MAP3K20: variants seen among roughly 807,000 people sequenced by gnomAD.
MAP3K20 encodes HCCS-4.
MAP3K20 carries 40 observed loss-of-function variants against 85.7 expected under a neutral mutation model. The observed-to-expected ratio is 0.47, with a 90% CI of 0.36 to 0.61. The LOEUF (loss-of-function observed/expected upper bound fraction) is 0.61. Ranked by LOEUF, MAP3K20 falls within the 20% of genes least tolerant of loss-of-function variation. The probability of loss-of-function intolerance (pLI) is 0.00; values close to 1 mark genes in which losing one functional copy is unlikely to be tolerated. For synonymous variants in MAP3K20, 325 were observed against 327.7 expected (o/e 0.99, Z 0.09); for missense variants, 817 against 961.7 (o/e 0.85, Z 1.99).
chr2:173,259,047 AT>A (rs935004116), intron 17 of MAP3K20, among the ~76,000 whole-genome samples: 66 of 151,722 alleles, frequency 4.4e-4, no homozygotes, highest in Admixed American at 3.3e-3. Flanking sequence ...GTATCGTTTA[AT>A]TTTTTTTTAA....
chr2:173,231,867 C>T (rs1684530550), intron 12 of MAP3K20, among the ~76,000 whole-genome samples: 1 of 152,164 alleles, frequency 6.6e-6, no homozygotes, highest in African/African-American at 2.4e-5. Flanking sequence ...TAAACTGGTG[C>T]CCCTCAGCAA....
chr2:173,114,219 T>C (rs1424972279), intron 2 of MAP3K20, among the ~76,000 whole-genome samples: 1 of 152,206 alleles, frequency 6.6e-6, no homozygotes, highest in Non-Finnish European at 1.5e-5. Flanking sequence ...CCCTGCTTGC[T>C]TTTGGTGTCC....
rs200137072 is a variant in MAP3K20 at position 173,191,026 on chromosome 2, T to A, written c.445-14T>A. The stretch of plus-strand genomic sequence containing the variant: ...CAATAAGTAGAAAGTTGACACTGAT[T>A]CCTGTTTTCTCAGATCTGTGACTTT... On this transcript the variant is annotated splice_polypyrimidine_tract_variant and intron_variant, in intron 6 of 19. Coordinates refer to ENST00000375213, the MANE Select transcript of MAP3K20 (RefSeq NM_016653.3). 5.5e-4 allele frequency: 892 copies of A among 1,613,248 alleles called. No homozygotes were observed. The highest frequency in any genetic ancestry group is 7.1e-4 in the Non-Finnish European group (841 of 1,179,762).
At chr2:173,196,724 T>C (rs1277747196) in intron 7 of MAP3K20, among the ~76,000 whole-genome samples, 1 of 152,248 alleles carries the variant, frequency 6.6e-6, no homozygotes, top group African/African-American at 2.4e-5. Context: ...TCTACGTTCC[T>C]ATTAGAAATG....
At chr2:173,157,323 CTT>C (rs34277580) in intron 2 of MAP3K20, among the ~76,000 whole-genome samples, 167 of 143,296 alleles carry the variant, frequency 1.2e-3, no homozygotes, top group Non-Finnish European at 1.5e-3. Context: ...GGTTTGGTAC[CTT>C]TTTTTTTTTT....
At chr2:173,224,836 G>A (rs1559288840) in intron 11 of MAP3K20, 1 of 984,706 alleles carries the variant, frequency 1.0e-6, no homozygotes, top group Non-Finnish European at 1.2e-6. Flanking sequence ...AATTTTAAAA[G>A]GAATATTTAT....
At chr2:173,134,078 C>T (rs976237513) in intron 2 of MAP3K20, among the ~76,000 whole-genome samples, 3 of 151,306 alleles carry the variant, frequency 2.0e-5, no homozygotes, top group Non-Finnish European at 4.4e-5. Context: ...TTGACCCTAA[C>T]CAGAGATTCT....
intron 2 of MAP3K20, among the ~76,000 whole-genome samples, chr2:173,126,397 T>C (rs1688445016): frequency 6.6e-6 from 1 of 152,160 alleles, no homozygotes. Context: ...TTTTTGTTTT[T>C]GAGACAGAGT....
intron 11 of MAP3K20, among the ~76,000 whole-genome samples, chr2:173,228,511 A>G (rs1684444506): frequency 6.6e-6 from 1 of 152,186 alleles, no homozygotes; most frequent in Admixed American, 6.5e-5. Context: ...AGAACTTAGC[A>G]TTCCAGTAAA....
chr2:173,146,209 C>G (rs1393115536), intron 2 of MAP3K20, among the ~76,000 whole-genome samples: 3 of 150,382 alleles, frequency 2.0e-5, no homozygotes, highest in Non-Finnish European at 4.4e-5. Context: ...TTAGAAGAAA[C>G]AAAAAAGTTT....
At chr2:173,163,895 A>G (rs2106243085) in intron 2 of MAP3K20, among the ~76,000 whole-genome samples, 1 of 151,856 alleles carries the variant, frequency 6.6e-6, no homozygotes. Context: ...ACTAATTTAC[A>G]TTCCCACCAG....
chr2:173,144,478 A>G lies in MAP3K20; in HGVS notation c.160-25327A>G, dbSNP rs79827662. ...ACTCCGTCTCAAAAAAAAAAAAAAA[A>G]AAAAAAAGAAAAGAAAGAAAGAAGA... On this transcript the variant is annotated intron_variant, in intron 2 of 19. Coordinates refer to ENST00000375213, the MANE Select transcript of MAP3K20 (RefSeq NM_016653.3). Among the ~76,000 whole-genome samples the G allele has an allele frequency of 1.9e-4, 23 of 122,016 alleles. No individual in the cohort carries two copies. The South Asian group carries it at 4.3e-3, about 23-fold the overall frequency. 80.0% of individuals were successfully genotyped at this position (122,016 alleles called of 152,430 possible). A position where few individuals can be genotyped will look rare whatever the true frequency, so the allele number is the denominator to read the frequency against.
At chr2:173,127,275 A>T (rs1688471592) in intron 2 of MAP3K20, among the ~76,000 whole-genome samples, 2 of 152,232 alleles carry the variant, frequency 1.3e-5, no homozygotes, top group Non-Finnish European at 2.9e-5. Flanking sequence ...AATTCTGTGA[A>T]TATTTAAATA....
chr2:173,216,437 C>T (rs1684073100), intron 10 of MAP3K20, among the ~76,000 whole-genome samples: 1 of 152,004 alleles, frequency 6.6e-6, no homozygotes, highest in South Asian at 2.1e-4. Context: ...ATTCCAGGGT[C>T]CCACCCAGGC....
chr2:173,191,185 C>T lies in MAP3K20; in HGVS notation c.582+8C>T. 6.2e-7 allele frequency: 1 copy of T among 1,610,734 alleles called. No homozygotes were observed. Among genetic ancestry groups the T allele is most frequent in the Non-Finnish European group, 8.5e-7 (1 of 1,179,088 alleles). ...ACATATTCCTATGGTGTGGTGAGTT[C>T]ATTTCTCATTTCTTGTTTACTAAGG... On this transcript the variant is annotated splice_region_variant and intron_variant, in intron 7 of 19. Transcript: ENST00000375213.
At chr2:173,121,418 T>C (rs1688282734) in intron 2 of MAP3K20, among the ~76,000 whole-genome samples, 1 of 152,126 alleles carries the variant, frequency 6.6e-6, no homozygotes, top group African/African-American at 2.4e-5. Context: ...GACGGACTCT[T>C]GCTCTGTCGC....
At chr2:173,134,160 T>C (rs1292337244) in intron 2 of MAP3K20, among the ~76,000 whole-genome samples, 1 of 149,796 alleles carries the variant, frequency 6.7e-6, no homozygotes, top group Non-Finnish European at 1.5e-5. Context: ...AGGAATCTTA[T>C]ATTAAGACAC....
At chr2:173,192,288 A>G (rs1690679115) in intron 7 of MAP3K20, among the ~76,000 whole-genome samples, 1 of 152,100 alleles carries the variant, frequency 6.6e-6, no homozygotes, top group Admixed American at 6.5e-5. Flanking sequence ...TGTTTTCTTT[A>G]TTCGGTCTCT....
chr2:173,126,199 T>C (rs909045419), intron 2 of MAP3K20, among the ~76,000 whole-genome samples: 2 of 152,190 alleles, frequency 1.3e-5, no homozygotes, highest in African/African-American at 2.4e-5. Context: ...GTGGCACTTA[T>C]ATAGGATTTA....
Sources: gnomAD v4.1 joint callset for allele counts (sites outside exome capture counted in the v4.1 genomes callset) on GRCh38, gnomAD v4.1.1 for gene constraint, MANE v1.5 for transcripts, NCBI Gene and HGNC (gene_info 2026-07-23, HGNC 2026-07-21) for gene names.